Variants in SLC24A2 observed in about 807,000 individuals in gnomAD.
SLC24A2 encodes sodium/potassium/calcium exchanger 2.
In SLC24A2, 36 loss-of-function variants were observed where a neutral mutation model predicts 62.0. The observed-to-expected ratio is 0.58, with a 90% CI of 0.44 to 0.77. The LOEUF (loss-of-function observed/expected upper bound fraction) is 0.77, where lower values mean the gene tolerates loss of function less well. Ranked by LOEUF, SLC24A2 falls within the 30% of genes least tolerant of loss-of-function variation. The probability of loss-of-function intolerance (pLI) is 0.00; values close to 1 mark genes in which losing one functional copy is unlikely to be tolerated. For missense variants in SLC24A2, 846 were observed against 817.9 expected (o/e 1.03, Z -0.42); for synonymous variants, 358 against 294.0 (o/e 1.22, Z -2.23).
intron 7 of SLC24A2, among the ~76,000 whole-genome samples, chr9:19,551,537 A>C (rs1241351936): frequency 6.6e-6 from 1 of 152,172 alleles, no homozygotes; most frequent in Non-Finnish European, 1.5e-5. Context: ...GCAGCAGTGG[A>C]CCACGCATCA....
the SLC24A2 span, among the ~76,000 whole-genome samples, chr9:20,074,395 C>T: frequency 6.6e-6 from 1 of 151,848 alleles, no homozygotes; most frequent in Non-Finnish European, 1.5e-5. Flanking sequence ...GTTTATAAGG[C>T]TCACATCCTT....
chr9:19,606,611 A>G (rs1836990619), intron 4 of SLC24A2, among the ~76,000 whole-genome samples: 1 of 152,196 alleles, frequency 6.6e-6, no homozygotes, highest in South Asian at 2.1e-4. Context: ...TCAGCTTGCA[A>G]TGGAAATATG....
At chr9:20,280,181 G>C in the SLC24A2 span, among the ~76,000 whole-genome samples, 1 of 152,200 alleles carries the variant, frequency 6.6e-6, no homozygotes, top group East Asian at 1.9e-4. Flanking sequence ...AAGCTGAATG[G>C]GGCTCCGAAG....
chr9:19,656,556 T>C (rs145996682), intron 2 of SLC24A2, among the ~76,000 whole-genome samples: 9 of 152,340 alleles, frequency 5.9e-5, no homozygotes, highest in African/African-American at 2.2e-4. Context: ...GTATTTACTT[T>C]CTTTAGTCTC....
the SLC24A2 span, among the ~76,000 whole-genome samples, chr9:19,938,649 T>C: frequency 6.6e-6 from 1 of 152,220 alleles, no homozygotes; most frequent in Non-Finnish European, 1.5e-5. Context: ...CTTCAATGAC[T>C]AGGAAATATG....
intron 4 of SLC24A2, among the ~76,000 whole-genome samples, chr9:19,609,418 T>C (rs1837081813): frequency 1.3e-5 from 2 of 152,252 alleles, no homozygotes; most frequent in Non-Finnish European, 2.9e-5. Context: ...GCCTCCTGAA[T>C]ACTTCAGCCA....
intron 2 of SLC24A2, among the ~76,000 whole-genome samples, chr9:19,709,100 G>C (rs1405904267): frequency 1.3e-5 from 2 of 152,166 alleles, no homozygotes; most frequent in African/African-American, 4.8e-5. Flanking sequence ...CGAAGGATAT[G>C]AACAGACACT....
chr9:19,644,664 C>A lies in SLC24A2; in HGVS notation c.931-22365G>T, dbSNP rs796482936. Among the ~76,000 whole-genome samples the A allele has an allele frequency of 5.3e-5, 8 of 152,178 alleles. No homozygotes were observed. The South Asian group carries it at 1.5e-3, about 28-fold the overall frequency. ...AGTCCTCACTGTTTTCCTCGCTTGACCTTGGCTTATGTATATTTTCTCTAT... is the reference window on the plus strand; with the variant it reads ...AGTCCTCACTGTTTTCCTCGCTTGAACTTGGCTTATGTATATTTTCTCTAT... On this transcript the variant is annotated intron_variant, in intron 2 of 10. Transcript: ENST00000341998.
the SLC24A2 span, among the ~76,000 whole-genome samples, chr9:20,229,498 T>A: frequency 6.6e-6 from 1 of 152,154 alleles, no homozygotes; most frequent in Non-Finnish European, 1.5e-5. Flanking sequence ...AAGAGCCTCA[T>A]AAAAGACTAT....
chr9:20,206,864 T>TAA, the SLC24A2 span, among the ~76,000 whole-genome samples: 8 of 92,482 alleles, frequency 8.7e-5, no homozygotes, highest in African/African-American at 2.8e-4. Context: ...ATAACCCTCA[T>TAA]AAAAAAAAAA....
the SLC24A2 span, among the ~76,000 whole-genome samples, chr9:20,030,440 G>A: frequency 6.6e-6 from 1 of 152,158 alleles, no homozygotes; most frequent in Non-Finnish European, 1.5e-5. Flanking sequence ...CAGTGTGAAA[G>A]TGCAATTGCA....
chr9:19,874,009 G>C, the SLC24A2 span, among the ~76,000 whole-genome samples: 2 of 151,488 alleles, frequency 1.3e-5, no homozygotes, highest in Admixed American at 1.3e-4. Flanking sequence ...GAAAACTACA[G>C]ATTTCAATTT....
At chr9:19,633,244 C>A (rs545738476) in intron 2 of SLC24A2, among the ~76,000 whole-genome samples, 1 of 152,170 alleles carries the variant, frequency 6.6e-6, no homozygotes, top group Non-Finnish European at 1.5e-5. Context: ...GCTATTGTCA[C>A]GAAAGCTGCT....
At chr9:19,994,003 T>C in the SLC24A2 span, among the ~76,000 whole-genome samples, 2 of 152,198 alleles carry the variant, frequency 1.3e-5, no homozygotes, top group African/African-American at 4.8e-5. Flanking sequence ...CAGCCGTGTG[T>C]ACTAGGAAAC....
the SLC24A2 span, among the ~76,000 whole-genome samples, chr9:19,836,372 G>A: frequency 2.6e-4 from 39 of 152,036 alleles, no homozygotes; most frequent in Admixed American, 9.8e-4. Context: ...TTAAACAGAC[G>A]CAATAAAAAA....
the SLC24A2 span, among the ~76,000 whole-genome samples, chr9:20,095,886 G>C: frequency 6.6e-6 from 1 of 152,122 alleles, no homozygotes; most frequent in Admixed American, 6.5e-5. Flanking sequence ...TCGAGCAAAA[G>C]GGGAAACCCC....
At chr9:20,055,694 C>T in the SLC24A2 span, among the ~76,000 whole-genome samples, 6 of 152,002 alleles carry the variant, frequency 3.9e-5, no homozygotes, top group Non-Finnish European at 8.8e-5. Flanking sequence ...TCAAGACCAC[C>T]CTGGGCAACA....
chr9:19,545,898 G>C (rs1311352790), intron 8 of SLC24A2, among the ~76,000 whole-genome samples: 2 of 152,244 alleles, frequency 1.3e-5, no homozygotes, highest in African/African-American at 4.8e-5. Context: ...CGGCCTCCCA[G>C]AGTGCTGGGA....
chr9:19,969,915 T>C, the SLC24A2 span, among the ~76,000 whole-genome samples: 4 of 152,136 alleles, frequency 2.6e-5, no homozygotes, highest in Admixed American at 2.6e-4. Flanking sequence ...ATATAAAGTG[T>C]CTGTGCAAGA....
Sources: gnomAD v4.1 joint callset for allele counts (sites outside exome capture counted in the v4.1 genomes callset) on GRCh38, gnomAD v4.1.1 for gene constraint, MANE v1.5 for transcripts, NCBI Gene and HGNC (gene_info 2026-07-23, HGNC 2026-07-21) for gene names.